The following PLD5 variants were observed in gnomAD, a reference collection of about 807,000 sequenced individuals.
PLD5 encodes the protein phospholipase D family member 5, also known as inactive phospholipase D5.
Under a neutral mutation model 61.1 loss-of-function variants are expected in PLD5, and 36 were observed. The ratio of observed to expected loss-of-function variants is 0.59; its 90% confidence interval spans 0.45 to 0.78. The LOEUF (loss-of-function observed/expected upper bound fraction) is 0.78. PLD5 is among the 30% of genes least tolerant of loss of function. The pLI, the probability that PLD5 is intolerant of heterozygous loss-of-function variation, is 0.00. For missense variants in PLD5, 515 were observed against 644.4 expected (o/e 0.80, Z 2.17); for synonymous variants, 243 against 242.8 (o/e 1.00, Z -0.01).
chr1:242,514,234 T>A (rs963229854), intron 1 of PLD5, among the ~76,000 whole-genome samples: 1 of 152,238 alleles, frequency 6.6e-6, no homozygotes, highest in South Asian at 2.1e-4. Flanking sequence ...TCCCCAGATA[T>A]ACTTGTTAAG....
intron 5 of PLD5, among the ~76,000 whole-genome samples, chr1:242,214,870 C>T (rs1558353428): frequency 9.0e-6 from 1 of 111,458 alleles, no homozygotes; most frequent in Non-Finnish European, 1.9e-5. Flanking sequence ...TCATTAAACA[C>T]CTTTTTTTTT....
intron 5 of PLD5, among the ~76,000 whole-genome samples, chr1:242,205,328 G>A (rs751356356): frequency 1.4e-4 from 21 of 152,162 alleles, no homozygotes; most frequent in Non-Finnish European, 2.2e-4. Context: ...TTTTGGGAGA[G>A]TAAAAAAGAG....
intron 4 of PLD5, among the ~76,000 whole-genome samples, chr1:242,243,020 G>A (rs749074214): frequency 2.6e-5 from 4 of 152,132 alleles, no homozygotes; most frequent in South Asian, 2.1e-4. Context: ...CGACATAAAT[G>A]TGACAAAATG....
intron 3 of PLD5, among the ~76,000 whole-genome samples, chr1:242,285,912 A>G (rs549193222): frequency 6.6e-6 from 1 of 152,226 alleles, no homozygotes; most frequent in East Asian, 1.9e-4. Flanking sequence ...ATTCGAGACC[A>G]GCCTGGCCAG....
Position 242,472,742 on chromosome 1 carries a change from A to G in PLD5, c.189+51346T>C, listed in dbSNP as rs776474399. On this transcript the variant is annotated intron_variant, in intron 1 of 9. Transcript: ENST00000536534. ...CAAAAAATAAAGTTAAATAGACTCT[A>G]TATTTTAAAATCTAAAATATTTTCT... Among the ~76,000 whole-genome samples the G allele has an allele frequency of 3.9e-5, 6 of 152,222 alleles. No individual in the cohort carries two copies. In the East Asian group the frequency reaches 9.6e-4, roughly 24 times the overall value.
At chr1:242,382,147 A>AAAAAAAAAAAAAAAAAAAAAAAAAG (rs1662328288) in intron 1 of PLD5, among the ~76,000 whole-genome samples, 1 of 151,878 alleles carries the variant, frequency 6.6e-6, no homozygotes, top group Admixed American at 6.6e-5. Flanking sequence ...AAACAAAACA[A>AAAAAAAAAAAAAAAAAAAAAAAAAG]AAAACTGAAC....
intron 5 of PLD5, among the ~76,000 whole-genome samples, chr1:242,132,206 G>GGGGGGGGGGGGGC (rs1553305634): frequency 1.1e-5 from 1 of 87,012 alleles, no homozygotes; most frequent in African/African-American, 5.7e-5. Context: ...GGGGGGGGGG[G>GGGGGGGGGGGGGC]GCGGAATCAT....
At chr1:242,182,850 T>TA (rs1009470726) in intron 5 of PLD5, among the ~76,000 whole-genome samples, 4 of 151,412 alleles carry the variant, frequency 2.6e-5, no homozygotes, top group African/African-American at 9.7e-5. Flanking sequence ...CTCAAAAAAA[T>TA]AAAACGAATA....
At chr1:242,415,530 T>G (rs987524661) in intron 1 of PLD5, among the ~76,000 whole-genome samples, 27 of 126,900 alleles carry the variant, frequency 2.1e-4, no homozygotes, top group African/African-American at 8.4e-4. Context: ...TTTTTTTTTT[T>G]GAGACAGAGT....
intron 1 of PLD5, among the ~76,000 whole-genome samples, chr1:242,396,321 G>A (rs1663570328): frequency 6.6e-6 from 1 of 152,126 alleles, no homozygotes; most frequent in Admixed American, 6.5e-5. Context: ...TTTAATGGGT[G>A]AGAAAAAATT....
At chr1:242,247,121 C>T (rs1310540633) in intron 4 of PLD5, among the ~76,000 whole-genome samples, 2 of 151,908 alleles carry the variant, frequency 1.3e-5, no homozygotes, top group East Asian at 1.9e-4. Flanking sequence ...GTAGCTGGGA[C>T]TACAGGCGCC....
chr1:242,388,439 G>A (rs1662725314), intron 1 of PLD5, among the ~76,000 whole-genome samples: 1 of 152,120 alleles, frequency 6.6e-6, no homozygotes, highest in Non-Finnish European at 1.5e-5. Flanking sequence ...ACTCAGTCAA[G>A]GACGCAAACA....
At chr1:242,299,338 A>G (rs1675898235) in intron 2 of PLD5, among the ~76,000 whole-genome samples, 1 of 152,222 alleles carries the variant, frequency 6.6e-6, no homozygotes, top group East Asian at 1.9e-4. Context: ...ATTATTAACT[A>G]TAGTCACCCT....
chr1:242,264,628 C>A, intron 4 of PLD5, among the ~76,000 whole-genome samples: 1 of 152,150 alleles, frequency 6.6e-6, no homozygotes, highest in East Asian at 1.9e-4. Context: ...AGTGCCCTGT[C>A]CTCTTCTAGG....
intron 1 of PLD5, among the ~76,000 whole-genome samples, chr1:242,500,794 T>G (rs1266051451): frequency 2.0e-5 from 3 of 152,144 alleles, no homozygotes. Context: ...AAGGATGGTC[T>G]GCTAGCAAGA....
chr1:242,268,741 A>C (rs1355245755), intron 3 of PLD5, among the ~76,000 whole-genome samples: 1 of 152,208 alleles, frequency 6.6e-6, no homozygotes, highest in East Asian at 1.9e-4. Flanking sequence ...ATTTTTGTTA[A>C]GACATTCAAA....
intron 2 of PLD5, among the ~76,000 whole-genome samples, chr1:242,320,809 A>T (rs1255293392): frequency 6.6e-6 from 1 of 152,216 alleles, no homozygotes; most frequent in East Asian, 1.9e-4. Flanking sequence ...CCACTCCCAC[A>T]GGTTGGGATT....
At chr1:242,467,262 A>C (rs12058092) in intron 1 of PLD5, among the ~76,000 whole-genome samples, 8,738 of 152,222 alleles carry the variant, frequency 0.057, 292 homozygotes, top group African/African-American at 0.065. Context: ...TTACTAAAAG[A>C]AACTTTGTCT....
At chr1:242,250,088 T>A (rs1672616754) in intron 4 of PLD5, among the ~76,000 whole-genome samples, 1 of 152,196 alleles carries the variant, frequency 6.6e-6, no homozygotes, top group South Asian at 2.1e-4. Flanking sequence ...AACAAAGTTG[T>A]TAAACCCTTC....
Sources: allele counts gnomAD v4.1 joint callset (sites outside exome capture counted in the v4.1 genomes callset), GRCh38; gene constraint gnomAD v4.1.1; transcripts MANE v1.5; gene names NCBI Gene and HGNC (gene_info 2026-07-23, HGNC 2026-07-21).